The following DHX35 variants were observed in gnomAD, a reference collection of about 807,000 sequenced individuals.
The protein encoded by DHX35 is probable ATP-dependent RNA helicase DHX35.
A neutral mutation model predicts 99.6 loss-of-function variants in DHX35; 84 were observed. The observed-to-expected ratio is 0.84, with a 90% CI of 0.71 to 1.01. The LOEUF is 1.01. DHX35 is among the 50% of genes least tolerant of loss of function. The pLI, the probability that DHX35 is intolerant of heterozygous loss-of-function variation, is 0.00. For missense variants in DHX35, 852 were observed against 888.5 expected, an observed-to-expected ratio of 0.96 and a Z score of 0.52; for synonymous variants, 331 against 316.2, an observed-to-expected ratio of 1.05 and a Z score of -0.50.
Position 38,969,226 on chromosome 20 carries a change from A to G in DHX35, c.174+12A>G. The G allele has an allele frequency of 6.2e-7, 1 of 1,604,246 alleles. No homozygotes were observed. Among genetic ancestry groups the G allele is most frequent in the Non-Finnish European group, 8.5e-7 (1 of 1,173,320 alleles). ...TGCCGGTATTCAAGGTACGTCAAATAATCATGTTCAACCTGTGGGCTTGAA... is the reference window on the plus strand; with the variant it reads ...TGCCGGTATTCAAGGTACGTCAAATGATCATGTTCAACCTGTGGGCTTGAA... On this transcript the variant is annotated intron_variant, in intron 2 of 21. Coordinates refer to ENST00000252011, the MANE Select transcript of DHX35 (RefSeq NM_021931.4).
At chr20:38,993,362 T>G (rs1262542658) in intron 7 of DHX35, among the ~76,000 whole-genome samples, 1 of 152,164 alleles carries the variant, frequency 6.6e-6, no homozygotes, top group Non-Finnish European at 1.5e-5. Context: ...TCTTCTCTCT[T>G]TTTTTTCTTT....
chr20:38,991,585 G>A, intron 6 of DHX35, 70 bp downstream of exon 6: 1 of 1,395,530 alleles, frequency 7.2e-7, no homozygotes. Context: ...AAGCAGGTGT[G>A]TTAGTAGCTG....
At chr20:39,011,588 G>A (rs961290861) in intron 13 of DHX35, among the ~76,000 whole-genome samples, 5 of 152,126 alleles carry the variant, frequency 3.3e-5, no homozygotes, top group African/African-American at 4.8e-5. Context: ...GATCCACCCC[G>A]TCTGGGCCTC....
chr20:39,010,528 C>T, intron 13 of DHX35, 124 bp downstream of exon 13: 1 of 1,364,676 alleles, frequency 7.3e-7, no homozygotes, highest in Non-Finnish European at 9.9e-7. Context: ...TGTTGTGTGT[C>T]TGCTTTGCAA....
chr20:38,988,653 C>T, intron 4 of DHX35, 160 bp from the exon 5 acceptor site: 1 of 1,016,410 alleles, frequency 9.8e-7, no homozygotes, highest in Non-Finnish European at 1.3e-6. Flanking sequence ...ATAAAAATTG[C>T]AAAAGTTATT....
chr20:38,979,766 G>T (rs1243619652), intron 3 of DHX35, among the ~76,000 whole-genome samples: 3 of 150,932 alleles, frequency 2.0e-5, no homozygotes, highest in Non-Finnish European at 4.4e-5. Context: ...AAAACAATGT[G>T]CAAAAGCACT....
intron 2 of DHX35, among the ~76,000 whole-genome samples, chr20:38,970,201 G>A (rs1274149607): frequency 1.3e-5 from 2 of 152,182 alleles, no homozygotes; most frequent in Non-Finnish European, 2.9e-5. Context: ...GGGATTACAG[G>A]TGTGAGCAGC....
At chr20:38,999,374 C>T (rs1350918138) in intron 8 of DHX35, among the ~76,000 whole-genome samples, 1 of 152,064 alleles carries the variant, frequency 6.6e-6, no homozygotes, top group East Asian at 1.9e-4. Context: ...GGCTGCACAC[C>T]CCTGTGGTCC....
Position 39,010,435 on chromosome 20 carries a change from G to C in DHX35, c.1347+31G>C, listed in dbSNP as rs373666712. The stretch of plus-strand genomic sequence containing the variant: ...TCCTGCCTGCTGTCTGGGGCCATAG[G>C]GAGGCTAGGGAGCTCACAGGGGGAT... On this transcript the variant is annotated intron_variant, in intron 13 of 21. Coordinates refer to ENST00000252011, the MANE Select transcript of DHX35 (RefSeq NM_021931.4). 7 of 1,610,242 alleles carry C rather than the reference G, an allele frequency of 4.3e-6. No individual in the cohort carries two copies. The Admixed American group carries it at 1.0e-4, about 23-fold the overall frequency.
In DHX35 at chr20:39,010,325, A is replaced by T. The variant is rs756908661; in HGVS notation, c.1268A>T (p.Gln423Leu). The change falls in exon 13 of 22, where the codon CAG (glutamine) becomes CTG (leucine). Residue 423 changes from glutamine (Q) to leucine (L), a missense_variant. Physicochemically the swap from Gln to Leu is moderately radical, Grantham distance 113. Coordinates refer to ENST00000252011, the MANE Select transcript of DHX35 (RefSeq NM_021931.4). Reference protein sequence around the residue: ...KLPQSTVPEMQRSNLAPVILQ... With the variant: ...KLPQSTVPEMLRSNLAPVILQ... Reference sequence around the variant, plus strand: ...CCTCAGTCTACGGTTCCTGAGATGCAGCGTAGTAATTTGGCACCTGTCATC... The same window carrying T: ...CCTCAGTCTACGGTTCCTGAGATGCTGCGTAGTAATTTGGCACCTGTCATC... 1 of 1,614,150 alleles carries T rather than the reference A, an allele frequency of 6.2e-7. No homozygotes were observed. The highest frequency in any genetic ancestry group is 1.1e-5 in the South Asian group (1 of 91,084).
chr20:39,034,958 C>A (rs1000958995), intron 21 of DHX35, among the ~76,000 whole-genome samples: 1 of 152,150 alleles, frequency 6.6e-6, no homozygotes, highest in Non-Finnish European at 1.5e-5. Context: ...TGGGGTTTCA[C>A]TATGTTGCCC....
chr20:38,983,715 G>T lies in DHX35; in HGVS notation c.284G>T (p.Gly95Val), dbSNP rs779828889. ...TGTTTGTAGTACCTTGCAGAAGCCG[G>T]CTGGACAGCTGAAGGAAGAGTGGTA... ...TQIPQYLAEAGWTAEGRVVGV... is the reference protein window; with the variant it reads ...TQIPQYLAEAVWTAEGRVVGV... Residue 95 changes from glycine (G) to valine (V), a missense_variant, in exon 4 of 22, where the codon GGC becomes GTC. Physicochemically the swap from Gly to Val is moderately radical, Grantham distance 109. Transcript: ENST00000252011. The T allele has an allele frequency of 1.9e-6, 3 of 1,614,080 alleles. No homozygotes were observed. Among genetic ancestry groups the T allele is most frequent in the South Asian group, 1.1e-5 (1 of 91,076 alleles).
At chr20:39,001,402 A>G (rs928701597) in intron 8 of DHX35, among the ~76,000 whole-genome samples, 2 of 152,252 alleles carry the variant, frequency 1.3e-5, no homozygotes, top group Admixed American at 6.5e-5. Context: ...TTTTGCTTAA[A>G]TGAAATACAG....
At chr20:39,032,940 C>T (rs768226077) in intron 20 of DHX35, among the ~76,000 whole-genome samples, 3 of 152,176 alleles carry the variant, frequency 2.0e-5, no homozygotes, top group Admixed American at 6.5e-5. Flanking sequence ...GGTCAGGATA[C>T]GCACACTCGT....
At chr20:38,968,872 A>T (rs764051602) in intron 1 of DHX35, among the ~76,000 whole-genome samples, 16 of 152,136 alleles carry the variant, frequency 1.1e-4, no homozygotes, top group Non-Finnish European at 1.8e-4. Flanking sequence ...TGTTTTTGAC[A>T]CTGCAGTGAA....
chr20:39,035,274 A>T (rs1317408473), intron 21 of DHX35, among the ~76,000 whole-genome samples: 1 of 146,744 alleles, frequency 6.8e-6, no homozygotes, highest in Non-Finnish European at 1.5e-5. Flanking sequence ...GTTTTGCCAT[A>T]TTGGCCAGGC....
At chr20:38,973,696 T>G (rs12625677) in intron 3 of DHX35, among the ~76,000 whole-genome samples, 57,565 of 152,160 alleles carry the variant, frequency 0.38, 11,480 homozygotes, top group Middle Eastern at 0.52. Flanking sequence ...ACAGCCAGTG[T>G]GCCAGATGCA....
Position 39,038,494 on chromosome 20 carries a change from T to C in DHX35, c.2068-5T>C, listed in dbSNP as rs1043145902. ...CCAACTGTAGTGTCTTCTCTTCTGT[T>C]GCAGCACCTGTCTCTGAAAGCCAAA... On this transcript the variant is annotated splice_region_variant and splice_polypyrimidine_tract_variant and intron_variant, in intron 21 of 21. Transcript: ENST00000252011. 6.2e-7 allele frequency: 1 copy of C among 1,613,732 alleles called. No individual in the cohort carries two copies. Among genetic ancestry groups the C allele is most frequent in the Admixed American group, 1.7e-5 (1 of 60,030 alleles).
chr20:39,023,650 G>C (rs776415390), intron 16 of DHX35, 40 bp from the exon 17 acceptor site: 1 of 1,594,676 alleles, frequency 6.3e-7, no homozygotes, highest in Non-Finnish European at 8.6e-7. Context: ...ACCACACCCA[G>C]CAAAGAGTGA....
Sources: allele counts gnomAD v4.1 joint callset (sites outside exome capture counted in the v4.1 genomes callset), GRCh38; gene constraint gnomAD v4.1.1; transcripts MANE v1.5; gene names NCBI Gene and HGNC (gene_info 2026-07-23, HGNC 2026-07-21).